Variants in SPRR1B observed in about 807,000 individuals in gnomAD.
SPRR1B encodes the protein cornifin-B.
In SPRR1B, 1 loss-of-function variant was observed where a neutral mutation model predicts 1.2. The ratio of observed to expected loss-of-function variants is 0.82; its 90% confidence interval spans 0.29 to 3.89. The LOEUF (loss-of-function observed/expected upper bound fraction) is 3.89. Among genes scored for constraint, SPRR1B ranks in the 30% most tolerant of loss-of-function variants. The probability of loss-of-function intolerance (pLI) is 0.18; values close to 1 mark genes in which losing one functional copy is unlikely to be tolerated. For synonymous variants in SPRR1B, 37 were observed against 38.3 expected, an observed-to-expected ratio of 0.97 and a Z score of 0.13; for missense variants, 102 against 106.0, an observed-to-expected ratio of 0.96 and a Z score of 0.17.
In SPRR1B at chr1:153,032,383, C is replaced by T. The variant is rs138504355; in HGVS notation, c.38C>T (p.Pro13Leu). The change falls in exon 2 of 2, where the codon CCC (proline) becomes CTC (leucine). Residue 13 changes from proline to leucine, a missense_variant. By Grantham distance (98) the Pro-to-Leu change is moderately conservative (BLOSUM62 -3). Transcript: ENST00000307098. The stretch of plus-strand genomic sequence containing the variant: ...CAGCAGAAGCAGCCTTGCACCCCAC[C>T]CCCTCAGCTTCAGCAGCAGCAGGTG... ...SQQQKQPCTP[P>L]PQLQQQQVKQ... is the part of the protein sequence containing the mutation. 289 of 1,613,858 alleles carry T rather than the reference C, an allele frequency of 1.8e-4. No homozygotes were observed. In the African/African-American group the frequency reaches 2.8e-3, roughly 16 times the overall value.
Position 153,031,254 on chromosome 1 carries a change from C to G in SPRR1B, c.-20+7C>G, listed in dbSNP as rs1197299601. On this transcript the variant is annotated splice_region_variant and intron_variant, in intron 1 of 1. Coordinates refer to ENST00000307098, the MANE Select transcript of SPRR1B (RefSeq NM_003125.3). ...ATTCCTCTCTTCACACCAGGTGAGT[C>G]TCTTTACTTGGAACTCTTTAGCATC... 2.0e-5 allele frequency: 3 copies of G among 152,178 alleles called. No individual in the cohort carries two copies. Among genetic ancestry groups the G allele is most frequent in the African/African-American group, 7.2e-5 (3 of 41,440 alleles). The allele number at this position is 152,178 out of a possible 1,614,324, so 9.4% of individuals were successfully genotyped here.
At chr1:153,031,944 G>A (rs540157375) in intron 1 of SPRR1B, among the ~76,000 whole-genome samples, 1 of 152,128 alleles carries the variant, frequency 6.6e-6, no homozygotes, top group Non-Finnish European at 1.5e-5. Flanking sequence ...GATTGCTTGG[G>A]GTTCTAGAGA....
rs1653748458 is a variant in SPRR1B at position 153,032,751 on chromosome 1, T to G, written c.*136T>G. On this transcript the variant is annotated 3_prime_UTR_variant, in exon 2 of 2. Transcript: ENST00000307098. Reference sequence around the variant, plus strand: ...AAAAGAATGTGCTATGAAGCTTTCTTTCCTACACACTCTGAGTCTCTGAAT... The same window carrying G: ...AAAAGAATGTGCTATGAAGCTTTCTGTCCTACACACTCTGAGTCTCTGAAT... 7.0e-7 allele frequency: 1 copy of G among 1,421,832 alleles called. No individual in the cohort carries two copies. Among genetic ancestry groups the G allele is most frequent in the South Asian group, 1.5e-5 (1 of 67,954 alleles). 88.1% of individuals were successfully genotyped at this position (1,421,832 alleles called of 1,614,324 possible).
At chr1:153,032,083 A>G (rs780547452) in intron 1 of SPRR1B, among the ~76,000 whole-genome samples, 8 of 152,042 alleles carry the variant, frequency 5.3e-5, no homozygotes, top group Non-Finnish European at 8.8e-5. Flanking sequence ...TGAGTCTCAT[A>G]TTCCTGCTAG....
Position 153,032,372 on chromosome 1 carries a change from T to C in SPRR1B, c.27T>C (p.Pro9=), listed in dbSNP as rs3795381. The C allele has an allele frequency of 0.51, 824,684 of 1,613,116 alleles. 212,684 individuals are homozygous for C. Among genetic ancestry groups the C allele is most frequent in the East Asian group, 0.62 (27,765 of 44,814 alleles). Residue 9 remains proline (P), a synonymous_variant, in exon 2 of 2, where the codon CCT becomes CCC. Coordinates refer to ENST00000307098, the MANE Select transcript of SPRR1B (RefSeq NM_003125.3). ...TGAGTTCCCAGCAGCAGAAGCAGCC[T>C]TGCACCCCACCCCCTCAGCTTCAGC... is the stretch of plus-strand genomic sequence containing the variant. MSSQQQKQ[P]CTPPPQLQQQ...
In SPRR1B at chr1:153,032,336, C is replaced by T. The variant is rs1653732368; in HGVS notation, c.-10C>T. On this transcript the variant is annotated 5_prime_UTR_variant, in exon 2 of 2. Transcript: ENST00000307098. Reference sequence around the variant, plus strand: ...TCTGTTCTGTGTCCAGGACCAGTCACTGTTGCAGCATGAGTTCCCAGCAGC... The same window carrying T: ...TCTGTTCTGTGTCCAGGACCAGTCATTGTTGCAGCATGAGTTCCCAGCAGC... The T allele has an allele frequency of 3.1e-6, 5 of 1,612,976 alleles. No homozygotes were observed. The East Asian group carries it at 8.9e-5, about 29-fold the overall frequency.
chr1:153,032,483 TGAGCCCTGCCACCCCAAAGTGCCC>T lies in SPRR1B; in HGVS notation c.150_173del (p.His50_Cys57del), dbSNP rs780959457. The T allele has an allele frequency of 4.0e-6, 6 of 1,495,892 alleles. No homozygotes were observed. The South Asian group carries it at 4.7e-5, about 12-fold the overall frequency. The allele number at this position is 1,495,892 out of a possible 1,614,324, so 92.7% of individuals were successfully genotyped here. A position where few individuals can be genotyped will look rare whatever the true frequency, so the allele number is the denominator to read the frequency against. ...AGGAGCCCTGCCACCCCAAGGTGCC[TGAGCCCTGCCACCCCAAAGTGCCC>T]GAGCCCTGCCAGCCCAAGGTTCCAG... On this transcript the variant is annotated inframe_deletion, in exon 2 of 2. Transcript: ENST00000307098.
rs1234685151 is a variant in SPRR1B at position 153,032,810 on chromosome 1, C to T, written c.*195C>T. On this transcript the variant is annotated 3_prime_UTR_variant, in exon 2 of 2. Coordinates refer to ENST00000307098, the MANE Select transcript of SPRR1B (RefSeq NM_003125.3). ...AGGTCTTAGTACCAGAGCTAGTTTT[C>T]AGCTGCTCAGAATTCATCTGAAGAG... is the stretch of plus-strand genomic sequence containing the variant. 3 of 1,027,448 alleles carry T rather than the reference C, an allele frequency of 2.9e-6. No homozygotes were observed. The highest frequency in any genetic ancestry group is 5.3e-5 in the East Asian group (2 of 37,868). 63.6% of individuals were successfully genotyped at this position (1,027,448 alleles called of 1,614,324 possible).
chr1:153,032,215 T>C (rs1350186829), intron 1 of SPRR1B, 112 bp from the exon 2 acceptor site: 20 of 1,310,896 alleles, frequency 1.5e-5, no homozygotes, highest in Non-Finnish European at 2.1e-5. Context: ...AAATTAAGTA[T>C]TCTTTGTGGT....
chr1:153,032,708 G>A lies in SPRR1B; in HGVS notation c.*93G>A, dbSNP rs1653747773. 10 of 1,525,458 alleles carry A rather than the reference G, an allele frequency of 6.6e-6. No individual in the cohort carries two copies. The highest frequency in any genetic ancestry group is 5.2e-5 in the South Asian group (4 of 76,196). 94.5% of individuals were successfully genotyped at this position (1,525,458 alleles called of 1,614,324 possible). On this transcript the variant is annotated 3_prime_UTR_variant, in exon 2 of 2. Transcript: ENST00000307098. ...ATGAGTCCCATTTGCCTTGCAATTA[G>A]CATTCTGTCTCCCCCAAAAAAGAAT...
chr1:153,032,456 C>A lies in SPRR1B; in HGVS notation c.111C>A (p.Thr37=). The change falls in exon 2 of 2, where the codon ACC becomes ACA. Residue 37 remains threonine (T), a synonymous_variant. Coordinates refer to ENST00000307098, the MANE Select transcript of SPRR1B (RefSeq NM_003125.3). ...CTCAGGAACCATGCATCCCCAAAAC[C>A]AAGGAGCCCTGCCACCCCAAGGTGC... ...PPPQEPCIPK[T]KEPCHPKVPE... is the part of the protein sequence containing the mutation. 1 of 1,613,970 alleles carries A rather than the reference C, an allele frequency of 6.2e-7. No individual in the cohort carries two copies. Among genetic ancestry groups the A allele is most frequent in the Non-Finnish European group, 8.5e-7 (1 of 1,180,000 alleles).
rs17878691 is a variant in SPRR1B at position 153,032,208 on chromosome 1, T to C, written c.-19-119T>C. On this transcript the variant is annotated intron_variant, in intron 1 of 1. Coordinates refer to ENST00000307098, the MANE Select transcript of SPRR1B (RefSeq NM_003125.3). Reference sequence around the variant, plus strand: ...CTTCTTCAAAGGCTCAGAAATTAAATTAAGTATTCTTTGTGGTCAAGAAGG... The same window carrying C: ...CTTCTTCAAAGGCTCAGAAATTAAACTAAGTATTCTTTGTGGTCAAGAAGG... The C allele has an allele frequency of 6.5e-3, 8,216 of 1,273,294 alleles. 378 individuals are homozygous for C. The African/African-American group carries it at 0.11, about 17-fold the overall frequency. The allele number at this position is 1,273,294 out of a possible 1,614,324, so 78.9% of individuals were successfully genotyped here.
intron 1 of SPRR1B, 50 bp from the exon 2 acceptor site, chr1:153,032,277 A>T (rs1290554231): frequency 1.3e-6 from 2 of 1,553,984 alleles, no homozygotes; most frequent in Non-Finnish European, 1.7e-6. Context: ...GGTATTCACC[A>T]TGGCTTCTTC....
chr1:153,032,398 A>C lies in SPRR1B; in HGVS notation c.53A>C (p.Gln18Pro), dbSNP rs1445097747. ...QPCTPPPQLQ[Q>P]QQVKQPCQPP... Reference sequence around the variant, plus strand: ...TGCACCCCACCCCCTCAGCTTCAGCAGCAGCAGGTGAAACAGCCTTGCCAG... The same window carrying C: ...TGCACCCCACCCCCTCAGCTTCAGCCGCAGCAGGTGAAACAGCCTTGCCAG... The change falls in exon 2 of 2, where the codon CAG becomes CCG. Residue 18 changes from glutamine (Q) to proline (P), a missense_variant. Physicochemically the swap from Gln to Pro is moderately conservative, Grantham distance 76. Coordinates refer to ENST00000307098, the MANE Select transcript of SPRR1B (RefSeq NM_003125.3). The C allele has an allele frequency of 9.9e-6, 16 of 1,613,996 alleles. No homozygotes were observed. The highest frequency in any genetic ancestry group is 1.1e-5 in the Non-Finnish European group (13 of 1,180,002).
At position 153,032,631 on chromosome 1, in the gene SPRR1B, T is replaced by C. The variant is rs1228829599; in HGVS notation, c.*16T>C. On this transcript the variant is annotated 3_prime_UTR_variant, in exon 2 of 2. Coordinates refer to ENST00000307098, the MANE Select transcript of SPRR1B (RefSeq NM_003125.3). ...GCAGAAGTAATGTGGTCCACAGCCA[T>C]GCCCTTGAGGAGCCGGCCACCAGAT... 6.2e-7 allele frequency: 1 copy of C among 1,610,522 alleles called. No individual in the cohort carries two copies. Among genetic ancestry groups the C allele is most frequent in the Non-Finnish European group, 8.5e-7 (1 of 1,177,574 alleles).
chr1:153,032,689 C>A lies in SPRR1B; in HGVS notation c.*74C>A. ...CCCCTATCCCATTCTGCGTATGAGT[C>A]CCATTTGCCTTGCAATTAGCATTCT... On this transcript the variant is annotated 3_prime_UTR_variant, in exon 2 of 2. Transcript: ENST00000307098. 1.3e-6 allele frequency: 2 copies of A among 1,546,012 alleles called. No individual in the cohort carries two copies. Among genetic ancestry groups the A allele is most frequent in the Non-Finnish European group, 1.7e-6 (2 of 1,147,294 alleles).
intron 1 of SPRR1B, 101 bp from the exon 2 acceptor site, chr1:153,032,226 C>A (rs1653728236): frequency 7.3e-7 from 1 of 1,372,560 alleles, no homozygotes; most frequent in Non-Finnish European, 1.0e-6. Context: ...TCTTTGTGGT[C>A]AAGAAGGGGA....
chr1:153,032,760 ACT>A lies in SPRR1B; in HGVS notation c.*148_*149del, dbSNP rs1653748630. 3 of 1,378,818 alleles carry A rather than the reference ACT, an allele frequency of 2.2e-6. No individual in the cohort carries two copies. Among genetic ancestry groups the A allele is most frequent in the Admixed American group, 2.8e-5 (1 of 35,408 alleles). 85.4% of individuals were successfully genotyped at this position (1,378,818 alleles called of 1,614,324 possible). A position where few individuals can be genotyped will look rare whatever the true frequency, so the allele number is the denominator to read the frequency against. On this transcript the variant is annotated 3_prime_UTR_variant, in exon 2 of 2. Coordinates refer to ENST00000307098, the MANE Select transcript of SPRR1B (RefSeq NM_003125.3). ...TGCTATGAAGCTTTCTTTCCTACAC[ACT>A]CTGAGTCTCTGAATGAAGCTGAAGG...
At position 153,032,723 on chromosome 1, in the gene SPRR1B, C is replaced by T. The variant is rs1653747884; in HGVS notation, c.*108C>T. On this transcript the variant is annotated 3_prime_UTR_variant, in exon 2 of 2. Coordinates refer to ENST00000307098, the MANE Select transcript of SPRR1B (RefSeq NM_003125.3). ...CTTGCAATTAGCATTCTGTCTCCCC[C>T]AAAAAAGAATGTGCTATGAAGCTTT... The T allele has an allele frequency of 2.0e-6, 3 of 1,502,668 alleles. No individual in the cohort carries two copies. Among genetic ancestry groups the T allele is most frequent in the Non-Finnish European group, 2.7e-6 (3 of 1,123,600 alleles). The allele number at this position is 1,502,668 out of a possible 1,614,324, so 93.1% of individuals were successfully genotyped here. A position where few individuals can be genotyped will look rare whatever the true frequency, so the allele number is the denominator to read the frequency against.
Sources: allele counts gnomAD v4.1 joint callset (sites outside exome capture counted in the v4.1 genomes callset), GRCh38; gene constraint gnomAD v4.1.1; transcripts MANE v1.5; gene names NCBI Gene and HGNC (gene_info 2026-07-23, HGNC 2026-07-21).